The following SCHIP1 variants were observed in gnomAD, a reference collection of about 807,000 sequenced individuals.
SCHIP1 encodes schwannomin-interacting protein 1.
A neutral mutation model predicts 29.7 loss-of-function variants in SCHIP1; 8 were observed. The ratio of observed to expected loss-of-function variants is 0.27; its 90% CI spans 0.16 to 0.49. SCHIP1 has a LOEUF of 0.49. Ranked by LOEUF, SCHIP1 falls within the 20% of genes least tolerant of loss-of-function variation. SCHIP1 has a pLI of 0.99. For synonymous variants in SCHIP1, 76 were observed against 94.9 expected, an observed-to-expected ratio of 0.80 and a Z score of 1.16; for missense variants, 193 against 294.6, an observed-to-expected ratio of 0.66 and a Z score of 2.52.
At chr3:159,891,172 C>T (rs1717494069) in intron 5 of SCHIP1, among the ~76,000 whole-genome samples, 1 of 152,118 alleles carries the variant, frequency 6.6e-6, no homozygotes, top group African/African-American at 2.4e-5. Flanking sequence ...GAGATCAAGA[C>T]CATCCTGGCT....
At chr3:159,487,232 T>C in the SCHIP1 span, among the ~76,000 whole-genome samples, 2 of 152,190 alleles carry the variant, frequency 1.3e-5, no homozygotes, top group Non-Finnish European at 2.9e-5. Flanking sequence ...TGCTTTGTTG[T>C]GATGTGATTG....
chr3:159,869,751 G>A (rs76642273), intron 2 of SCHIP1, among the ~76,000 whole-genome samples: 2 of 151,588 alleles, frequency 1.3e-5, no homozygotes, highest in African/African-American at 4.8e-5. Flanking sequence ...ATACTCTCTT[G>A]GAATTTTGAC....
chr3:159,577,971 A>G, the SCHIP1 span, among the ~76,000 whole-genome samples: 1 of 152,218 alleles, frequency 6.6e-6, no homozygotes, highest in African/African-American at 2.4e-5. Flanking sequence ...TCCAATATCT[A>G]GAGCAGTGCT....
chr3:159,710,957 G>A, the SCHIP1 span, among the ~76,000 whole-genome samples: 2 of 152,094 alleles, frequency 1.3e-5, no homozygotes, highest in African/African-American at 2.4e-5. Flanking sequence ...AAAAGCAAGC[G>A]TGACCTATTA....
the SCHIP1 span, among the ~76,000 whole-genome samples, chr3:159,655,379 AGT>A: frequency 4.6e-5 from 7 of 151,976 alleles, no homozygotes; most frequent in African/African-American, 1.7e-4. Flanking sequence ...CAGTAGTAGT[AGT>A]GATGATGATG....
At chr3:159,497,927 G>A in the SCHIP1 span, among the ~76,000 whole-genome samples, 1 of 152,182 alleles carries the variant, frequency 6.6e-6, no homozygotes, top group East Asian at 1.9e-4. Context: ...AATTCATTAT[G>A]TGCTCATTTT....
the SCHIP1 span, among the ~76,000 whole-genome samples, chr3:159,491,139 C>T: frequency 1.3e-5 from 2 of 152,112 alleles, no homozygotes; most frequent in Non-Finnish European, 2.9e-5. Context: ...CCAAGATGGC[C>T]GAATAGGAGC....
At chr3:159,502,505 CTTCT>C in the SCHIP1 span, among the ~76,000 whole-genome samples, 2 of 151,950 alleles carry the variant, frequency 1.3e-5, no homozygotes, top group African/African-American at 2.4e-5. Flanking sequence ...TATTATTATA[CTTCT>C]TTAAGTAAGT....
At chr3:159,851,091 T>C (rs1002979347) in intron 1 of SCHIP1, among the ~76,000 whole-genome samples, 1 of 151,884 alleles carries the variant, frequency 6.6e-6, no homozygotes, top group African/African-American at 2.4e-5. Context: ...CTGGGCAACA[T>C]AGTGAGATCC....
the SCHIP1 span, among the ~76,000 whole-genome samples, chr3:159,558,180 G>A: frequency 3.3e-5 from 5 of 152,164 alleles, no homozygotes; most frequent in African/African-American, 1.2e-4. Context: ...ACTCTTTCAA[G>A]AATAAAACTG....
At chr3:159,506,545 C>A in the SCHIP1 span, among the ~76,000 whole-genome samples, 1 of 152,198 alleles carries the variant, frequency 6.6e-6, no homozygotes, top group Non-Finnish European at 1.5e-5. Context: ...CTTGCCCATG[C>A]CTATGTCCTA....
chr3:159,590,625 C>A, the SCHIP1 span, among the ~76,000 whole-genome samples: 2 of 152,208 alleles, frequency 1.3e-5, no homozygotes, highest in East Asian at 3.9e-4. Flanking sequence ...CTGCACTCAA[C>A]TCCATCTCTA....
At chr3:159,614,519 T>C in the SCHIP1 span, among the ~76,000 whole-genome samples, 3 of 152,106 alleles carry the variant, frequency 2.0e-5, no homozygotes, top group Non-Finnish European at 4.4e-5. Context: ...CTAACCACGG[T>C]GCTGTTATTT....
the SCHIP1 span, among the ~76,000 whole-genome samples, chr3:159,585,603 T>A: frequency 6.6e-6 from 1 of 152,138 alleles, no homozygotes. Context: ...AAATACATAT[T>A]AACTAATTTA....
chr3:159,791,580 G>T, the SCHIP1 span, among the ~76,000 whole-genome samples: 1 of 152,276 alleles, frequency 6.6e-6, no homozygotes, highest in African/African-American at 2.4e-5. Context: ...ACAGGAGTTG[G>T]GCCCTCCTCT....
chr3:159,891,732 G>A (rs571824060), intron 5 of SCHIP1, among the ~76,000 whole-genome samples: 3 of 152,280 alleles, frequency 2.0e-5, no homozygotes, highest in East Asian at 3.9e-4. Flanking sequence ...GACTGTCAGC[G>A]TGGCAGGAGC....
the SCHIP1 span, among the ~76,000 whole-genome samples, chr3:159,311,458 G>C: frequency 2.5e-4 from 38 of 152,090 alleles, no homozygotes; most frequent in African/African-American, 7.9e-4. Flanking sequence ...TTTTCCAGTT[G>C]TATTTCTCTT....
the SCHIP1 span, among the ~76,000 whole-genome samples, chr3:159,828,441 G>T: frequency 2.3e-5 from 1 of 42,932 alleles, no homozygotes. Context: ...GTATATATAC[G>T]TATATATATA....
chr3:159,370,934 T>C, the SCHIP1 span, among the ~76,000 whole-genome samples: 4 of 152,276 alleles, frequency 2.6e-5, no homozygotes, highest in East Asian at 7.7e-4. Flanking sequence ...AGCTTGCAGA[T>C]GGCATATGGA....
Sources: allele counts gnomAD v4.1 joint callset (sites outside exome capture counted in the v4.1 genomes callset), GRCh38; gene constraint gnomAD v4.1.1; transcripts MANE v1.5; gene names NCBI Gene and HGNC (gene_info 2026-07-23, HGNC 2026-07-21).